Variants in MOB3B observed in about 807,000 individuals in gnomAD.
The protein encoded by MOB3B is MOB kinase activator 3B, also known as MOB kinase activator-like 2B.
Under a neutral mutation model 18.7 loss-of-function variants are expected in MOB3B, and 7 were observed. The observed-to-expected ratio is 0.37, with a 90% CI of 0.21 to 0.70. The LOEUF is 0.70. Ranked by LOEUF, MOB3B falls within the 30% of genes least tolerant of loss-of-function variation. MOB3B has a pLI of 0.52. For synonymous variants in MOB3B, 111 were observed against 99.9 expected, an observed-to-expected ratio of 1.11 and a Z score of -0.66; for missense variants, 253 against 281.3, an observed-to-expected ratio of 0.90 and a Z score of 0.72.
At chr9:27,443,353 C>G (rs1035510785) in intron 2 of MOB3B, among the ~76,000 whole-genome samples, 2 of 152,186 alleles carry the variant, frequency 1.3e-5, no homozygotes, top group Non-Finnish European at 2.9e-5. Context: ...TAGTCCAGAT[C>G]TCTATTACAT....
intron 2 of MOB3B, among the ~76,000 whole-genome samples, chr9:27,415,908 G>A (rs989190049): frequency 3.9e-5 from 6 of 152,106 alleles, no homozygotes; most frequent in Admixed American, 2.6e-4. Context: ...ATGGGGTTTC[G>A]TGCGTGTATT....
At chr9:27,518,720 G>A (rs1292728821) in intron 1 of MOB3B, among the ~76,000 whole-genome samples, 1 of 152,168 alleles carries the variant, frequency 6.6e-6, no homozygotes, top group African/African-American at 2.4e-5. Flanking sequence ...AAAATTAAAT[G>A]ACAGCTACAG....
intron 2 of MOB3B, among the ~76,000 whole-genome samples, chr9:27,380,267 T>A (rs1484117512): frequency 9.8e-6 from 1 of 101,672 alleles, no homozygotes; most frequent in South Asian, 3.1e-4. Context: ...ATAGGATTTT[T>A]TTTTTTTTTT....
At chr9:27,427,184 A>AT (rs1236116602) in intron 2 of MOB3B, among the ~76,000 whole-genome samples, 5 of 151,882 alleles carry the variant, frequency 3.3e-5, no homozygotes, top group Non-Finnish European at 7.4e-5. Context: ...TGCTAGTTCC[A>AT]TTTTTTTTCC....
At chr9:27,345,127 G>A (rs571069457) in intron 3 of MOB3B, among the ~76,000 whole-genome samples, 23 of 152,276 alleles carry the variant, frequency 1.5e-4, no homozygotes, top group South Asian at 1.2e-3. Flanking sequence ...CTGTCTTGTC[G>A]TCTTCACTGA....
Position 27,455,685 on chromosome 9 carries a change from C to A in MOB3B, c.-135G>T, listed in dbSNP as rs181831505. On this transcript the variant is annotated 5_prime_UTR_variant, in exon 2 of 4. Transcript: ENST00000262244. ...AGTCTTACAGCCTGTAGCTTTTAAG[C>A]TCTTCTAAACAGCCCCTTCCATCTT... 6.2e-4 allele frequency: 930 copies of A among 1,508,166 alleles called. 1 individual carries two copies. The Middle Eastern group carries it at 8.5e-3, about 14-fold the overall frequency. The allele number at this position is 1,508,166 out of a possible 1,614,324, so 93.4% of individuals were successfully genotyped here.
chr9:27,387,896 T>C (rs920685486), intron 2 of MOB3B, among the ~76,000 whole-genome samples: 1 of 152,128 alleles, frequency 6.6e-6, no homozygotes, highest in Non-Finnish European at 1.5e-5. Context: ...GGGGTTAACA[T>C]GTCAGAGTCC....
chr9:27,443,479 C>G (rs1822626352), intron 2 of MOB3B, among the ~76,000 whole-genome samples: 1 of 152,154 alleles, frequency 6.6e-6, no homozygotes. Context: ...TATCACTGAA[C>G]CTTCTCAAAC....
At chr9:27,391,963 A>G (rs1821734039) in intron 2 of MOB3B, among the ~76,000 whole-genome samples, 1 of 152,232 alleles carries the variant, frequency 6.6e-6, no homozygotes, top group South Asian at 2.1e-4. Flanking sequence ...ATGCCTCTAT[A>G]AGTCTCTATG....
chr9:27,333,423 C>T (rs1820817676), intron 3 of MOB3B, among the ~76,000 whole-genome samples: 1 of 152,140 alleles, frequency 6.6e-6, no homozygotes, highest in African/African-American at 2.4e-5. Flanking sequence ...CATCAGAGCC[C>T]TCCCGCAGGC....
At chr9:27,357,609 T>C (rs1468235296) in intron 3 of MOB3B, among the ~76,000 whole-genome samples, 2 of 152,062 alleles carry the variant, frequency 1.3e-5, no homozygotes, top group Non-Finnish European at 2.9e-5. Context: ...TTGCTCAAGC[T>C]TTCTCTGCTC....
intron 2 of MOB3B, among the ~76,000 whole-genome samples, chr9:27,418,091 C>A (rs376971707): frequency 3.0e-3 from 134 of 44,032 alleles, no homozygotes; most frequent in South Asian, 7.4e-3. Context: ...GACTCCACCT[C>A]AAAAAAAAAA....
chr9:27,441,454 T>A (rs918341891), intron 2 of MOB3B, among the ~76,000 whole-genome samples: 2 of 152,132 alleles, frequency 1.3e-5, no homozygotes, highest in Non-Finnish European at 2.9e-5. Context: ...AAATAAGGGT[T>A]CCTTGAACAC....
intron 2 of MOB3B, chr9:27,391,641 A>G (rs1172775124): frequency 3.9e-5 from 6 of 152,230 alleles, no homozygotes; most frequent in African/African-American, 1.2e-4. Flanking sequence ...TTGACTTGCA[A>G]TCAAGAGAAA....
rs559806304 is a variant in MOB3B at position 27,416,544 on chromosome 9, A to ATT, written c.418+38587_418+38588dup. On this transcript the variant is annotated intron_variant, in intron 2 of 3. Transcript: ENST00000262244. ...GAACCCCTGGAGTAATTTCTTTTTA[A>ATT]TTTTTTTTTTTTTTTTTTTTTTTTT... Among the ~76,000 whole-genome samples the ATT allele has an allele frequency of 1.1e-3, 128 of 121,406 alleles. 5 individuals carry two copies. The highest frequency in any genetic ancestry group is 2.9e-3 in the African/African-American group (100 of 33,930). The allele number at this position is 121,406 out of a possible 152,430, so 79.6% of individuals were successfully genotyped here.
Position 27,381,312 on chromosome 9 carries a change from G to A in MOB3B, c.419-22076C>T, listed in dbSNP as rs1234383055. On this transcript the variant is annotated intron_variant, in intron 2 of 3. Coordinates refer to ENST00000262244, the MANE Select transcript of MOB3B (RefSeq NM_024761.5). ...CACTCTATTTCCCACAAAAATAAAT[G>A]GCTGTTGCCTCTCGGTGTTGCCTCC... is the stretch of plus-strand genomic sequence containing the variant. 2.6e-5 allele frequency among the ~76,000 whole-genome samples: 4 copies of A among 152,064 alleles called. No individual in the cohort carries two copies. The East Asian group carries it at 5.8e-4, about 22-fold the overall frequency.
intron 3 of MOB3B, among the ~76,000 whole-genome samples, chr9:27,342,113 G>A (rs1031192826): frequency 6.6e-6 from 1 of 152,130 alleles, no homozygotes; most frequent in African/African-American, 2.4e-5. Context: ...CACTTCCATG[G>A]CAGAGCTGAG....
intron 1 of MOB3B, among the ~76,000 whole-genome samples, chr9:27,460,427 C>T (rs1008501247): frequency 5.3e-5 from 8 of 152,190 alleles, no homozygotes; most frequent in Admixed American, 2.0e-4. Context: ...GGTAGCTAAG[C>T]AACGCACTGG....
intron 1 of MOB3B, chr9:27,524,454 G>A: frequency 6.2e-7 from 1 of 1,614,072 alleles, no homozygotes; most frequent in Non-Finnish European, 8.5e-7. Flanking sequence ...CCTGAGAAGA[G>A]TCACCTGGCA....
Sources: allele counts gnomAD v4.1 joint callset (sites outside exome capture counted in the v4.1 genomes callset), GRCh38; gene constraint gnomAD v4.1.1; transcripts MANE v1.5; gene names NCBI Gene and HGNC (gene_info 2026-07-23, HGNC 2026-07-21).